Variants in EML4 observed in about 807,000 individuals in gnomAD.
EML4 encodes echinoderm microtubule-associated protein-like 4.
Under a neutral mutation model 129.0 loss-of-function variants are expected in EML4, and 72 were observed. That is an observed-to-expected ratio of 0.56 (90% CI 0.46 to 0.68). The LOEUF (loss-of-function observed/expected upper bound fraction) is 0.68, where lower values mean the gene tolerates loss of function less well. Among genes scored for constraint, EML4 ranks in the 30% least tolerant of loss-of-function variants. EML4 has a pLI of 0.00. For synonymous variants in EML4, 532 were observed against 405.0 expected (o/e 1.31, Z -3.77); for missense variants, 1,363 against 1,190.6 (o/e 1.14, Z -2.13).
Position 42,286,460 on chromosome 2 carries a change from G to A in EML4, c.1122+81G>A, listed in dbSNP as rs1009307268. On this transcript the variant is annotated intron_variant, in intron 10 of 22. Transcript: ENST00000318522. ...TTAAGCTCAGTTTTGTGTTTATGTG[G>A]CCATGAAGTGATAATCCTGAGTTGA... is the stretch of plus-strand genomic sequence containing the variant. The A allele has an allele frequency of 2.4e-6, 2 of 830,130 alleles. 1 individual carries two copies. Among genetic ancestry groups the A allele is most frequent in the South Asian group, 2.8e-5 (2 of 70,618 alleles). The allele number at this position is 830,130 out of a possible 1,614,324, so 51.4% of individuals were successfully genotyped here. A position where few individuals can be genotyped will look rare whatever the true frequency, so the allele number is the denominator to read the frequency against.
intron 5 of EML4, among the ~76,000 whole-genome samples, chr2:42,264,109 T>TTG (rs1252242750): frequency 7.2e-5 from 10 of 139,794 alleles, no homozygotes; most frequent in Non-Finnish European, 1.1e-4. Context: ...ACGTGTTTTT[T>TTG]TTTTTTTTTT....
At chr2:42,221,403 C>CTTTGTT (rs1673585599) in intron 1 of EML4, among the ~76,000 whole-genome samples, 1 of 108,256 alleles carries the variant, frequency 9.2e-6, no homozygotes, top group Non-Finnish European at 1.9e-5. Flanking sequence ...ACATGGTTTA[C>CTTTGTT]TTTTTTTTTT....
intron 1 of EML4, among the ~76,000 whole-genome samples, chr2:42,187,991 T>C (rs1671359785): frequency 1.3e-5 from 2 of 152,224 alleles, no homozygotes. Context: ...CGATGATCTC[T>C]TTAGAGTTAA....
At chr2:42,182,936 T>C (rs1335455451) in intron 1 of EML4, among the ~76,000 whole-genome samples, 1 of 152,124 alleles carries the variant, frequency 6.6e-6, no homozygotes, top group Non-Finnish European at 1.5e-5. Flanking sequence ...CCTCTTCTTA[T>C]AAGGATACCA....
rs894115155 is a variant in EML4, at chr2:42,169,371, G to A, written c.-241G>A. Reference sequence around the variant, plus strand: ...GCGCGGCGCGGCGCTCGCGGCTGCTGCCTGGGAGGGAGGCCGGGCAGGCGG... The same window carrying A: ...GCGCGGCGCGGCGCTCGCGGCTGCTACCTGGGAGGGAGGCCGGGCAGGCGG... On this transcript the variant is annotated 5_prime_UTR_variant, in exon 1 of 23. Coordinates refer to ENST00000318522, the MANE Select transcript of EML4 (RefSeq NM_019063.5). 7 of 249,936 alleles carry A rather than the reference G, an allele frequency of 2.8e-5. No homozygotes were observed. Among genetic ancestry groups the A allele is most frequent in the Admixed American group, 1.7e-4 (3 of 17,508 alleles). The allele number at this position is 249,936 out of a possible 1,614,324, so 15.5% of individuals were successfully genotyped here.
intron 11 of EML4, among the ~76,000 whole-genome samples, chr2:42,291,897 T>G (rs893159937): frequency 6.6e-6 from 1 of 152,190 alleles, no homozygotes; most frequent in African/African-American, 2.4e-5. Context: ...GTACACAACC[T>G]CATTAATTAT....
At chr2:42,211,842 C>A (rs1362731837) in intron 1 of EML4, among the ~76,000 whole-genome samples, 1 of 151,898 alleles carries the variant, frequency 6.6e-6, no homozygotes. Context: ...CTTTCTTTTT[C>A]TTTCTTTCTT....
At chr2:42,224,089 C>G (rs1673795265) in intron 1 of EML4, among the ~76,000 whole-genome samples, 2 of 152,142 alleles carry the variant, frequency 1.3e-5, no homozygotes, top group South Asian at 4.1e-4. Context: ...ATATGAATCA[C>G]CCATTTAAAA....
In EML4 at chr2:42,329,887, G is replaced by A. The variant is rs1670008178; in HGVS notation, c.2626G>A (p.Val876Ile). 6.2e-7 allele frequency: 1 copy of A among 1,614,100 alleles called. No homozygotes were observed. The change falls in exon 23 of 23, where the codon GTA (valine) becomes ATA (isoleucine). Residue 876 changes from valine (V) to isoleucine (I), a missense_variant. Transcript: ENST00000318522. ...GTTATCTTTGCCTCAGAATGAGACT[G>A]TAGCGGATACTACTCTAACCAAAGC... ...EKLSLPQNET[V>I]ADTTLTKAPV...
At chr2:42,256,376 T>A in intron 2 of EML4, 125 bp from the exon 3 acceptor site, 2 of 880,150 alleles carry the variant, frequency 2.3e-6, no homozygotes, top group East Asian at 5.4e-5. Context: ...TCAAGAGTTA[T>A]AAACAATAAT....
intron 1 of EML4, among the ~76,000 whole-genome samples, chr2:42,185,516 G>A (rs1016527175): frequency 3.3e-5 from 5 of 152,140 alleles, no homozygotes; most frequent in African/African-American, 9.7e-5. Context: ...TTGGGTTAAG[G>A]TTGAGCCATG....
chr2:42,244,717 T>G (rs982626393), intron 1 of EML4, among the ~76,000 whole-genome samples: 9 of 152,268 alleles, frequency 5.9e-5, no homozygotes, highest in Admixed American at 5.9e-4. Context: ...TAAAGATGCT[T>G]CCTCATCATT....
intron 1 of EML4, among the ~76,000 whole-genome samples, chr2:42,217,858 A>C (rs981051406): frequency 6.7e-6 from 1 of 150,064 alleles, no homozygotes; most frequent in Non-Finnish European, 1.5e-5. Flanking sequence ...TTACTTCTAA[A>C]TATGTAGAAG....
chr2:42,192,742 T>C (rs1671674330), intron 1 of EML4, among the ~76,000 whole-genome samples: 2 of 152,144 alleles, frequency 1.3e-5, no homozygotes, highest in Admixed American at 1.3e-4. Flanking sequence ...CCCACTAGGA[T>C]TCAAAAACCC....
intron 17 of EML4, among the ~76,000 whole-genome samples, chr2:42,315,307 T>C (rs1669184186): frequency 6.6e-6 from 1 of 152,206 alleles, no homozygotes; most frequent in Admixed American, 6.5e-5. Flanking sequence ...CATTTCTTCA[T>C]TCTTTGTTTC....
chr2:42,303,623 C>T (rs78270871), intron 16 of EML4, among the ~76,000 whole-genome samples, 177 bp downstream of exon 16: 3 of 152,036 alleles, frequency 2.0e-5, no homozygotes, highest in Non-Finnish European at 2.9e-5. Context: ...GAACATGAAC[C>T]GATTTTAAAG....
intron 19 of EML4, chr2:42,325,138 A>G (rs985178764): frequency 9.8e-6 from 5 of 509,712 alleles, no homozygotes; most frequent in African/African-American, 9.6e-5. Context: ...TCTCATGGGG[A>G]CACCAGTGAC....
At chr2:42,179,761 C>G (rs1010927793) in intron 1 of EML4, among the ~76,000 whole-genome samples, 6 of 152,146 alleles carry the variant, frequency 3.9e-5, no homozygotes, top group Non-Finnish European at 7.3e-5. Flanking sequence ...TGCCACCATG[C>G]CCGGCTAGTT....
chr2:42,188,464 C>T (rs1489888613), intron 1 of EML4, among the ~76,000 whole-genome samples: 6 of 151,798 alleles, frequency 4.0e-5, no homozygotes, highest in South Asian at 2.1e-4. Context: ...TGAAGTGATC[C>T]GCCAGTCTCA....
Sources: gnomAD v4.1 joint callset for allele counts (sites outside exome capture counted in the v4.1 genomes callset) on GRCh38, gnomAD v4.1.1 for gene constraint, MANE v1.5 for transcripts, NCBI Gene and HGNC (gene_info 2026-07-23, HGNC 2026-07-21) for gene names.